Variants in PARD3 observed in about 807,000 individuals in gnomAD.
PARD3 encodes par-3 family cell polarity regulator.
In PARD3, 75 loss-of-function variants were observed where a neutral mutation model predicts 155.4. That is an observed-to-expected ratio of 0.48 (90% CI 0.40 to 0.58). The LOEUF (loss-of-function observed/expected upper bound fraction) is 0.58. Among genes scored for constraint, PARD3 ranks in the 20% least tolerant of loss-of-function variants. PARD3 has a pLI of 0.00. For synonymous variants in PARD3, 576 were observed against 610.5 expected (o/e 0.94, Z 0.83); for missense variants, 1,642 against 1,721.7 (o/e 0.95, Z 0.82).
chr10:34,220,643 C>T (rs1401510541), intron 22 of PARD3, among the ~76,000 whole-genome samples: 1 of 152,192 alleles, frequency 6.6e-6, no homozygotes, highest in African/African-American at 2.4e-5. Flanking sequence ...GCCTTACCTA[C>T]TTGGGGCCTC....
intron 1 of PARD3, among the ~76,000 whole-genome samples, chr10:34,797,775 G>A (rs1262646355): frequency 6.6e-6 from 1 of 152,094 alleles, no homozygotes; most frequent in East Asian, 1.9e-4. Context: ...CCCCCGTGCT[G>A]TCTCTCACTG....
intron 20 of PARD3, among the ~76,000 whole-genome samples, chr10:34,302,813 A>AGAT (rs1957215664): frequency 6.6e-6 from 1 of 152,218 alleles, no homozygotes; most frequent in African/African-American, 2.4e-5. Context: ...AGAAGAAGGC[A>AGAT]GATGGCTTCT....
chr10:34,520,411 C>G (rs543910841), intron 2 of PARD3, among the ~76,000 whole-genome samples: 1 of 152,022 alleles, frequency 6.6e-6, no homozygotes, highest in South Asian at 2.1e-4. Context: ...CAACATAAAT[C>G]AGAAAAGAAG....
rs879286334 is a variant in PARD3, at chr10:34,413,154, C to T, written c.715-11237G>A. Among the ~76,000 whole-genome samples, 346 of 149,376 alleles carry T rather than the reference C, an allele frequency of 2.3e-3. 1 individual carries two copies. Among genetic ancestry groups the T allele is most frequent in the Admixed American group, 4.0e-3 (60 of 14,854 alleles). ...TACTTCAGATATATATACACACACA[C>T]ACACACACACACACACACACACACA... On this transcript the variant is annotated intron_variant, in intron 5 of 24. Transcript: ENST00000374788.
In PARD3 at chr10:34,182,232, G is replaced by A. The variant is rs115582564; in HGVS notation, c.3420-50649C>T. On this transcript the variant is annotated intron_variant, in intron 22 of 24. Transcript: ENST00000374788. Reference sequence around the variant, plus strand: ...CATGCCTACCTTGCTGTTCTGACAGGCAGCTCCAGCAAGGACGGGCCTCAT... The same window carrying A: ...CATGCCTACCTTGCTGTTCTGACAGACAGCTCCAGCAAGGACGGGCCTCAT... Among the ~76,000 whole-genome samples the A allele has an allele frequency of 2.3e-3, 350 of 152,286 alleles. 4 individuals carry two copies. The highest frequency in any genetic ancestry group is 8.0e-3 in the African/African-American group (331 of 41,560).
intron 1 of PARD3, among the ~76,000 whole-genome samples, chr10:34,701,333 ATGT>A (rs34806804): frequency 0.044 from 6,615 of 149,926 alleles, 385 homozygotes; most frequent in African/African-American, 0.13. Flanking sequence ...ACACGCGGGG[ATGT>A]TGTTGTTGTT....
intron 22 of PARD3, among the ~76,000 whole-genome samples, chr10:34,159,426 T>TA (rs1338469474): frequency 1.3e-5 from 2 of 152,204 alleles, no homozygotes; most frequent in Non-Finnish European, 2.9e-5. Context: ...TGCCTTAGGA[T>TA]AACTACCCAT....
chr10:34,583,886 T>G (rs764806849), intron 2 of PARD3, among the ~76,000 whole-genome samples: 8 of 152,106 alleles, frequency 5.3e-5, no homozygotes, highest in Non-Finnish European at 1.0e-4. Flanking sequence ...TTAAAAAAAA[T>G]CAGTGCAAAT....
intron 22 of PARD3, among the ~76,000 whole-genome samples, chr10:34,183,373 C>T (rs1950349116): frequency 1.3e-5 from 2 of 152,142 alleles, no homozygotes; most frequent in African/African-American, 4.8e-5. Flanking sequence ...AATTTTTAGG[C>T]AGATAGAAAG....
intron 5 of PARD3, among the ~76,000 whole-genome samples, chr10:34,421,889 G>A (rs1041697954): frequency 1.3e-5 from 2 of 152,176 alleles, no homozygotes; most frequent in East Asian, 3.9e-4. Flanking sequence ...AGGTGGGGAC[G>A]TTGCAGAGGC....
At chr10:34,214,964 G>A (rs917693617) in intron 22 of PARD3, among the ~76,000 whole-genome samples, 1 of 152,116 alleles carries the variant, frequency 6.6e-6, no homozygotes. Context: ...TTTTGTTAAG[G>A]GTTGTCAGAT....
intron 2 of PARD3, among the ~76,000 whole-genome samples, chr10:34,627,901 G>A (rs903723468): frequency 3.3e-5 from 5 of 152,114 alleles, no homozygotes; most frequent in East Asian, 1.9e-4. Context: ...GGGCAGAGGT[G>A]GGTACACACA....
chr10:34,544,046 C>T (rs997654614), intron 2 of PARD3, among the ~76,000 whole-genome samples: 1 of 152,146 alleles, frequency 6.6e-6, no homozygotes, highest in Admixed American at 6.5e-5. Context: ...TTATCTTCAA[C>T]ATGTGGTAAA....
At chr10:34,470,524 C>G (rs567633939) in intron 3 of PARD3, among the ~76,000 whole-genome samples, 2 of 152,216 alleles carry the variant, frequency 1.3e-5, no homozygotes, top group African/African-American at 4.8e-5. Context: ...TCTATGTGGC[C>G]CTGGCCAGGT....
At chr10:34,600,336 C>A (rs572662975) in intron 2 of PARD3, among the ~76,000 whole-genome samples, 1 of 151,510 alleles carries the variant, frequency 6.6e-6, no homozygotes, top group African/African-American at 2.4e-5. Flanking sequence ...CAGAGCGAGA[C>A]CCCGGTCTCA....
chr10:34,782,399 T>C (rs1588719975), intron 1 of PARD3, among the ~76,000 whole-genome samples: 2 of 152,140 alleles, frequency 1.3e-5, no homozygotes. Flanking sequence ...CAGCCAGAGG[T>C]GCTCAACCAG....
At chr10:34,234,400 G>A (rs555472323) in intron 22 of PARD3, among the ~76,000 whole-genome samples, 7 of 152,242 alleles carry the variant, frequency 4.6e-5, no homozygotes, top group African/African-American at 1.7e-4. Context: ...GCCTCGGTAG[G>A]TTCATCTGCC....
At chr10:34,462,838 A>AGAAAAG (rs1285185823) in intron 4 of PARD3, among the ~76,000 whole-genome samples, 2 of 149,706 alleles carry the variant, frequency 1.3e-5, no homozygotes, top group African/African-American at 4.9e-5. Context: ...CAGTGGCAAA[A>AGAAAAG]GAAAAGGAAA....
chr10:34,175,925 T>C (rs2133155257), intron 22 of PARD3, among the ~76,000 whole-genome samples: 1 of 152,342 alleles, frequency 6.6e-6, no homozygotes, highest in Non-Finnish European at 1.5e-5. Context: ...AACAATCTCT[T>C]CCCTTCTTAC....
Sources: allele counts gnomAD v4.1 joint callset (sites outside exome capture counted in the v4.1 genomes callset), GRCh38; gene constraint gnomAD v4.1.1; transcripts MANE v1.5; gene names NCBI Gene and HGNC (gene_info 2026-07-23, HGNC 2026-07-21).